COG4: variants seen among roughly 807,000 people sequenced by gnomAD.
COG4 encodes the protein conserved oligomeric Golgi complex subunit 4.
In COG4, 65 loss-of-function variants were observed where a neutral mutation model predicts 95.1. The observed-to-expected ratio is 0.68, with a 90% confidence interval of 0.56 to 0.84. The LOEUF (loss-of-function observed/expected upper bound fraction) is 0.84, where lower values mean the gene tolerates loss of function less well. Among genes scored for constraint, COG4 ranks in the 40% least tolerant of loss-of-function variants. The pLI is 0.00. For synonymous variants in COG4, 421 were observed against 374.8 expected, an observed-to-expected ratio of 1.12 and a Z score of -1.42; for missense variants, 1,045 against 989.1, an observed-to-expected ratio of 1.06 and a Z score of -0.76.
intron 13 of COG4, among the ~76,000 whole-genome samples, chr16:70,486,761 C>T (rs2049144762): frequency 6.6e-6 from 1 of 152,154 alleles, no homozygotes; most frequent in Non-Finnish European, 1.5e-5. Flanking sequence ...CTTTGGGAGG[C>T]CGAGGCGGGC....
chr16:70,500,870 T>C (rs2049434682), intron 9 of COG4, 88 bp downstream of exon 9: 1 of 1,525,464 alleles, frequency 6.6e-7, no homozygotes, highest in Non-Finnish European at 9.1e-7. Flanking sequence ...TCCAATTGTT[T>C]CCTTAATAAG....
intron 5 of COG4, among the ~76,000 whole-genome samples, chr16:70,511,451 G>C (rs1385035482): frequency 6.6e-6 from 1 of 152,012 alleles, no homozygotes; most frequent in African/African-American, 2.4e-5. Context: ...ACGGCCAGGT[G>C]GGGTGGTAGT....
chr16:70,519,623 G>A (rs1226719140), intron 2 of COG4, 26 bp downstream of exon 2: 1 of 1,562,884 alleles, frequency 6.4e-7, no homozygotes, highest in Non-Finnish European at 8.8e-7. Flanking sequence ...ATTTACATTA[G>A]CTCTTGCTGA....
chr16:70,480,840 G>A lies in COG4; in HGVS notation c.*170C>T, dbSNP rs1350296682. On this transcript the variant is annotated 3_prime_UTR_variant, in exon 19 of 19. Transcript: ENST00000323786. ...CCCAGAGCATCACCTGGCCAGGTCTGAGGGCAGAGCATGGAGTGGGTCCAG... is the reference window on the plus strand; with the variant it reads ...CCCAGAGCATCACCTGGCCAGGTCTAAGGGCAGAGCATGGAGTGGGTCCAG... The A allele has an allele frequency of 1.3e-6, 1 of 748,276 alleles. No homozygotes were observed. The highest frequency in any genetic ancestry group is 1.7e-5 in the African/African-American group (1 of 57,636). 46.4% of individuals were successfully genotyped at this position (748,276 alleles called of 1,614,324 possible).
At position 70,497,403 on chromosome 16, in the gene COG4, A is replaced by G; in HGVS notation, c.1315-16T>C. On this transcript the variant is annotated splice_polypyrimidine_tract_variant and intron_variant, in intron 10 of 18. Transcript: ENST00000323786. ...GAGCCACAGCCTACCCAAAAGGCAA[A>G]GCCAACACTGAGGGTCCCAGTTGTG... is the stretch of plus-strand genomic sequence containing the variant. 1 of 1,611,432 alleles carries G rather than the reference A, an allele frequency of 6.2e-7. No individual in the cohort carries two copies. Among genetic ancestry groups the G allele is most frequent in the South Asian group, 1.1e-5 (1 of 91,064 alleles).
At chr16:70,502,860 CTG>C (rs1322150267) in intron 8 of COG4, among the ~76,000 whole-genome samples, 4 of 152,284 alleles carry the variant, frequency 2.6e-5, no homozygotes, top group Admixed American at 1.3e-4. Context: ...TGGAACAGAA[CTG>C]TGAGTCCAGA....
intron 12 of COG4, among the ~76,000 whole-genome samples, chr16:70,493,544 G>A (rs1224996588): frequency 6.6e-6 from 1 of 152,184 alleles, no homozygotes; most frequent in African/African-American, 2.4e-5. Context: ...GAGTAAGAGA[G>A]TGAATGAACA....
chr16:70,514,537 A>C, intron 3 of COG4, 28 bp from the exon 4 acceptor site: 1 of 1,608,440 alleles, frequency 6.2e-7, no homozygotes, highest in Non-Finnish European at 8.5e-7. Context: ...ACTTACAAAC[A>C]ATGTCCTATT....
intron 8 of COG4, among the ~76,000 whole-genome samples, chr16:70,506,593 CAAAAAAAAAAAA>C (rs1237710539): frequency 6.8e-5 from 1 of 14,688 alleles, no homozygotes; most frequent in Admixed American, 1.3e-3. Context: ...GAGACTGCCT[CAAAAAAAAAAAA>C]AAAAAAAAAA....
In COG4 at chr16:70,499,934, A is replaced by G. The variant is rs548052199; in HGVS notation, c.1195+1024T>C. ...CTCGGCCTCCCAAAGTGCTGGGATTACAGGCGTGAGCCACCGCGCCCGACC... is the reference window on the plus strand; with the variant it reads ...CTCGGCCTCCCAAAGTGCTGGGATTGCAGGCGTGAGCCACCGCGCCCGACC... On this transcript the variant is annotated intron_variant, in intron 9 of 18. Transcript: ENST00000323786. Among the ~76,000 whole-genome samples, 167 of 152,288 alleles carry G rather than the reference A, an allele frequency of 1.1e-3. 1 individual carries two copies. The highest frequency in any genetic ancestry group is 3.4e-3 in the Middle Eastern group (1 of 294).
In COG4 at chr16:70,509,343, T is replaced by A. The variant is rs771643308; in HGVS notation, c.890A>T (p.Tyr297Phe). The change falls in exon 7 of 19, where the codon TAT (tyrosine) becomes TTT (phenylalanine). Residue 297 changes from tyrosine to phenylalanine, a missense_variant. Coordinates refer to ENST00000323786, the MANE Select transcript of COG4 (RefSeq NM_015386.3). ...GGTATAGAGTCTCCCTGGCCCATAATAGGTCTCCACTATTGGCTGGTGGGT... is the reference window on the plus strand; with the variant it reads ...GGTATAGAGTCTCCCTGGCCCATAAAAGGTCTCCACTATTGGCTGGTGGGT... ...VETHQPIVET[Y>F]YGPGRLYTLI... 6.2e-7 allele frequency: 1 copy of A among 1,614,198 alleles called. No individual in the cohort carries two copies. Among genetic ancestry groups the A allele is most frequent in the Non-Finnish European group, 8.5e-7 (1 of 1,180,036 alleles).
At chr16:70,483,017 C>G (rs2049037691) in intron 14 of COG4, among the ~76,000 whole-genome samples, 196 bp from the exon 15 acceptor site, 1 of 112,138 alleles carries the variant, frequency 8.9e-6, no homozygotes, top group South Asian at 3.8e-4. Flanking sequence ...TACCCCTTCC[C>G]TCTCCTCTCC....
At chr16:70,507,625 C>G (rs2151756989) in intron 8 of COG4, among the ~76,000 whole-genome samples, 1 of 152,060 alleles carries the variant, frequency 6.6e-6, no homozygotes, top group Admixed American at 6.6e-5. Flanking sequence ...TTTTGGGAGG[C>G]TGAGGTGGGC....
intron 12 of COG4, 37 bp from the exon 13 acceptor site, chr16:70,490,429 G>T: frequency 6.4e-7 from 1 of 1,559,948 alleles, no homozygotes; most frequent in South Asian, 1.1e-5. Flanking sequence ...ACTTCCTGCT[G>T]ACTGTGCCTG....
chr16:70,519,626 C>A (rs761069119), intron 2 of COG4, 23 bp downstream of exon 2: 1 of 1,578,968 alleles, frequency 6.3e-7, no homozygotes, highest in East Asian at 2.2e-5. Context: ...TACATTAGCT[C>A]TTGCTGAGAT....
At position 70,481,892 on chromosome 16, in the gene COG4, G is replaced by A. The variant is rs139549489; in HGVS notation, c.2005-27C>T. The A allele has an allele frequency of 1.7e-3, 2,719 of 1,588,608 alleles. 7 individuals carry two copies. Among genetic ancestry groups the A allele is most frequent in the Middle Eastern group, 6.3e-3 (38 of 6,010 alleles). On this transcript the variant is annotated intron_variant, in intron 16 of 18. Coordinates refer to ENST00000323786, the MANE Select transcript of COG4 (RefSeq NM_015386.3). ...TGCACACAGAGGGTTGACATCAGCC[G>A]AGCCCCACCTAACTCCTCTGCCTCT... is the stretch of plus-strand genomic sequence containing the variant.
At chr16:70,483,797 T>G (rs1343808600) in intron 14 of COG4, 56 bp downstream of exon 14, 2 of 1,346,296 alleles carry the variant, frequency 1.5e-6, no homozygotes, top group African/African-American at 2.9e-5. Context: ...GCTAACAATC[T>G]TCTCAGAGCA....
intron 2 of COG4, 147 bp from the exon 3 acceptor site, chr16:70,517,887 CAAG>C (rs1431554438): frequency 4.5e-6 from 3 of 667,164 alleles, no homozygotes; most frequent in Non-Finnish European, 8.1e-6. Context: ...AGCTTTTTCT[CAAG>C]AACGTTTGAC....
At chr16:70,494,206 A>G (rs778373448) in intron 12 of COG4, among the ~76,000 whole-genome samples, 7 of 152,224 alleles carry the variant, frequency 4.6e-5, no homozygotes, top group Non-Finnish European at 1.0e-4. Context: ...GATGAAGGCC[A>G]TAAGTGTTTC....
Sources: gnomAD v4.1 joint callset for allele counts (sites outside exome capture counted in the v4.1 genomes callset) on GRCh38, gnomAD v4.1.1 for gene constraint, MANE v1.5 for transcripts, NCBI Gene and HGNC (gene_info 2026-07-23, HGNC 2026-07-21) for gene names.